HNF4A: variants seen among roughly 807,000 people sequenced by gnomAD.
HNF4A encodes hepatocyte nuclear factor 4 alpha.
A neutral mutation model predicts 52.4 loss-of-function variants in HNF4A; 15 were observed. The ratio of observed to expected loss-of-function variants is 0.29; its 90% CI spans 0.19 to 0.44. HNF4A has a LOEUF of 0.44. Among genes scored for constraint, HNF4A ranks in the 20% least tolerant of loss-of-function variants. The probability of loss-of-function intolerance (pLI) is 1.00; values close to 1 mark genes in which losing one functional copy is unlikely to be tolerated. For synonymous variants in HNF4A, 280 were observed against 264.4 expected (o/e 1.06, Z -0.57); for missense variants, 479 against 647.2 (o/e 0.74, Z 2.82).
intron 7 of HNF4A, among the ~76,000 whole-genome samples, chr20:44,422,343 C>G (rs1028585): frequency 3.1e-3 from 476 of 152,200 alleles, no homozygotes; most frequent in South Asian, 0.013. Context: ...CAGCCTCCAG[C>G]AATTTGAAGG....
chr20:44,376,121 C>A (rs571039929), intron 1 of HNF4A, among the ~76,000 whole-genome samples: 1 of 152,088 alleles, frequency 6.6e-6, no homozygotes, highest in East Asian at 1.9e-4. Flanking sequence ...GGTAATTAGC[C>A]GGGCATGGTG....
chr20:44,375,968 C>T (rs986273957), intron 1 of HNF4A, among the ~76,000 whole-genome samples: 3 of 152,062 alleles, frequency 2.0e-5, no homozygotes, highest in Admixed American at 6.6e-5. Flanking sequence ...ATTCTAGGGC[C>T]GGGCATGGTG....
At chr20:44,418,908 T>C (rs1217636633) in intron 6 of HNF4A, among the ~76,000 whole-genome samples, 2 of 152,198 alleles carry the variant, frequency 1.3e-5, no homozygotes, top group Non-Finnish European at 2.9e-5. Flanking sequence ...CCAGAGTTGC[T>C]GGGACCACAG....
At position 44,382,249 on chromosome 20, in the gene HNF4A, T is replaced by TTTCTTTCTTTC. The variant is rs1568700527; in HGVS notation, c.50-23807_50-23806insCTTTCTTTCTT. On this transcript the variant is annotated intron_variant, in intron 1 of 9. Coordinates refer to the HNF4A transcript ENST00000316673. ...GCTTTCTTTCTTTCTTTCTTTCTTT[T>TTTCTTTCTTTC]TTTTTTTTGAGACGAACTCTCGCTC... is the stretch of plus-strand genomic sequence containing the variant. Among the ~76,000 whole-genome samples, 9 of 149,318 alleles carry TTTCTTTCTTTC rather than the reference T, an allele frequency of 6.0e-5. No individual in the cohort carries two copies. The East Asian group carries it at 1.8e-3, about 30-fold the overall frequency.
intron 3 of HNF4A, among the ~76,000 whole-genome samples, chr20:44,408,627 T>C (rs1439009725): frequency 6.6e-6 from 1 of 152,140 alleles, no homozygotes; most frequent in Non-Finnish European, 1.5e-5. Flanking sequence ...CTCGGAAGGC[T>C]GAGGCAGGAG....
intron 5 of HNF4A, among the ~76,000 whole-genome samples, chr20:44,415,588 C>T (rs933637863): frequency 2.6e-5 from 4 of 152,242 alleles, no homozygotes; most frequent in Admixed American, 1.3e-4. Context: ...GAGACAGACT[C>T]TGGTGCATTC....
At chr20:44,405,111 G>A (rs1600705574) in intron 1 of HNF4A, among the ~76,000 whole-genome samples, 2 of 17,626 alleles carry the variant, frequency 1.1e-4, no homozygotes, top group South Asian at 3.5e-3. Flanking sequence ...TGCGTAGCGT[G>A]TGTGCGTGTG....
At chr20:44,387,458 A>G (rs936541815) in intron 1 of HNF4A, among the ~76,000 whole-genome samples, 2 of 151,450 alleles carry the variant, frequency 1.3e-5, no homozygotes, top group Non-Finnish European at 2.9e-5. Context: ...ATATAAAAAC[A>G]AGGGCGTGCA....
At chr20:44,361,937 G>C (rs1323593835) in intron 1 of HNF4A, among the ~76,000 whole-genome samples, 1 of 152,166 alleles carries the variant, frequency 6.6e-6, no homozygotes, top group African/African-American at 2.4e-5. Flanking sequence ...AGTCAGCCGG[G>C]AGAAGAGACG....
At chr20:44,401,526 G>T in intron 1 of HNF4A, 2 of 1,612,728 alleles carry the variant, frequency 1.2e-6, no homozygotes, top group Non-Finnish European at 1.7e-6. Flanking sequence ...GCCAGTGGGG[G>T]CAGGTGTGCC....
In HNF4A at chr20:44,431,102, T is replaced by C. The variant is rs2146497972; in HGVS notation, c.*1437T>C. ...TTCTAAGAGGTGAAGTGATTTTTTT[T>C]CTGAAACTCACACAACTAGGAAGTG... On this transcript the variant is annotated 3_prime_UTR_variant, in exon 10 of 10. Transcript: ENST00000316099. The C allele has an allele frequency of 6.6e-6, 1 of 152,224 alleles. No individual in the cohort carries two copies. Among genetic ancestry groups the C allele is most frequent in the South Asian group, 2.1e-4 (1 of 4,810 alleles). The allele number at this position is 152,224 out of a possible 1,614,324, so 9.4% of individuals were successfully genotyped here. A position where few individuals can be genotyped will look rare whatever the true frequency, so the allele number is the denominator to read the frequency against.
chr20:44,416,622 C>G (rs1038509029), intron 5 of HNF4A, among the ~76,000 whole-genome samples: 1 of 152,342 alleles, frequency 6.6e-6, no homozygotes, highest in African/African-American at 2.4e-5. Flanking sequence ...TCACAGGTTT[C>G]TATCCATGGG....
intron 1 of HNF4A, among the ~76,000 whole-genome samples, chr20:44,368,134 G>GTATATATATA (rs373617866): frequency 1.8e-5 from 1 of 56,394 alleles, no homozygotes; most frequent in Non-Finnish European, 3.1e-5. Context: ...GTGTGTGTGT[G>GTATATATATA]TATATACATA....
In HNF4A at chr20:44,379,730, C is replaced by CT. The variant is rs33924202; in HGVS notation, c.49+23898dup. Among the ~76,000 whole-genome samples the CT allele has an allele frequency of 5.3e-3, 580 of 109,548 alleles. 4 individuals carry two copies. Among genetic ancestry groups the CT allele is most frequent in the African/African-American group, 5.8e-3 (160 of 27,400 alleles). 71.9% of individuals were successfully genotyped at this position (109,548 alleles called of 152,430 possible). A position where few individuals can be genotyped will look rare whatever the true frequency, so the allele number is the denominator to read the frequency against. On this transcript the variant is annotated intron_variant, in intron 1 of 9. Transcript: ENST00000316673. ...TCACACCCGGATAATTTTTCTTTTC[C>CT]TTTTTTTTTTTTTTTTTTTTTGAGA...
At chr20:44,404,688 G>A (rs1243383663) in intron 1 of HNF4A, among the ~76,000 whole-genome samples, 1 of 133,016 alleles carries the variant, frequency 7.5e-6, no homozygotes, top group Non-Finnish European at 1.6e-5. Flanking sequence ...GTGTATGTGT[G>A]TGCATGTGTG....
intron 8 of HNF4A, among the ~76,000 whole-genome samples, chr20:44,426,194 G>C (rs1210083212): frequency 6.6e-6 from 1 of 152,110 alleles, no homozygotes; most frequent in Non-Finnish European, 1.5e-5. Flanking sequence ...GTGTTTAATG[G>C]TGTTAAACTC....
chr20:44,372,138 C>G (rs1232864871), intron 1 of HNF4A, among the ~76,000 whole-genome samples: 1 of 152,146 alleles, frequency 6.6e-6, no homozygotes, highest in African/African-American at 2.4e-5. Flanking sequence ...TCACTGAGAC[C>G]AAAGCAGAGT....
intron 1 of HNF4A, among the ~76,000 whole-genome samples, chr20:44,357,081 A>T (rs891456697): frequency 7.2e-5 from 11 of 152,216 alleles, no homozygotes; most frequent in African/African-American, 2.7e-4. Flanking sequence ...ACAGAGGGCC[A>T]GGGAATGACA....
chr20:44,390,600 G>C (rs1485363383), intron 1 of HNF4A: 1 of 702,500 alleles, frequency 1.4e-6, no homozygotes, highest in African/African-American at 1.7e-5. Context: ...AGGATGAAGA[G>C]GTTGTGCACT....
Sources: gnomAD v4.1 joint callset for allele counts (sites outside exome capture counted in the v4.1 genomes callset) on GRCh38, gnomAD v4.1.1 for gene constraint, MANE v1.5 for transcripts, NCBI Gene and HGNC (gene_info 2026-07-23, HGNC 2026-07-21) for gene names.